The following SDK1 variants were observed in gnomAD, a reference collection of about 807,000 sequenced individuals.
SDK1 encodes the protein sidekick cell adhesion molecule 1, also known as protein sidekick-1.
In SDK1, 157 loss-of-function variants were observed where a neutral mutation model predicts 245.5. That is an observed-to-expected ratio of 0.64 (90% CI 0.56 to 0.73). SDK1 has a LOEUF of 0.73. Among genes scored for constraint, SDK1 ranks in the 30% least tolerant of loss-of-function variants. The pLI, the probability that SDK1 is intolerant of heterozygous loss-of-function variation, is 0.00. For missense variants in SDK1, 3,583 were observed against 3,002.3 expected, an observed-to-expected ratio of 1.19 and a Z score of -4.52; for synonymous variants, 1,647 against 1,278.5, an observed-to-expected ratio of 1.29 and a Z score of -6.15.
intron 30 of SDK1, 68 bp downstream of exon 30, chr7:4,149,531 A>C: frequency 8.6e-7 from 1 of 1,159,892 alleles, no homozygotes; most frequent in Non-Finnish European, 1.2e-6. Flanking sequence ...GCTCCTGTCC[A>C]GATAGTGGGG....
At chr7:3,697,454 T>C (rs1784608020) in intron 4 of SDK1, among the ~76,000 whole-genome samples, 2 of 152,266 alleles carry the variant, frequency 1.3e-5, no homozygotes, top group Admixed American at 6.5e-5. Context: ...TCTTCAGCTC[T>C]GCTTCATTAG....
rs370507929 is a variant in SDK1, at chr7:4,181,269, G to A, written c.5098+2683G>A. Among the ~76,000 whole-genome samples, 17 of 152,220 alleles carry A rather than the reference G, an allele frequency of 1.1e-4. 1 individual carries two copies. Among genetic ancestry groups the A allele is most frequent in the East Asian group, 9.6e-4 (5 of 5,200 alleles). On this transcript the variant is annotated intron_variant, in intron 35 of 44. Coordinates refer to ENST00000404826, the MANE Select transcript of SDK1 (RefSeq NM_152744.4). ...GTTCAACCGGGTTGTAGCAGATGTC[G>A]GAATTGCCTTCCTTTTCATGGCTGA...
intron 1 of SDK1, among the ~76,000 whole-genome samples, chr7:3,417,850 C>T (rs1295306029): frequency 2.0e-5 from 3 of 152,038 alleles, no homozygotes; most frequent in Non-Finnish European, 4.4e-5. Flanking sequence ...GTCCAGTTGG[C>T]AAGTGGAATT....
At chr7:4,154,222 G>A (rs529521712) in intron 30 of SDK1, among the ~76,000 whole-genome samples, 1 of 152,172 alleles carries the variant, frequency 6.6e-6, no homozygotes, top group Non-Finnish European at 1.5e-5. Context: ...TCAAGTTTGT[G>A]TATGTGATTA....
chr7:4,004,052 T>G (rs1158473516), intron 14 of SDK1, among the ~76,000 whole-genome samples: 2 of 152,236 alleles, frequency 1.3e-5, no homozygotes, highest in East Asian at 3.8e-4. Flanking sequence ...ATTTCTCATG[T>G]GGAAATGAAG....
intron 5 of SDK1, among the ~76,000 whole-genome samples, chr7:3,891,823 C>G (rs1583519132): frequency 6.6e-6 from 1 of 152,222 alleles, no homozygotes; most frequent in Admixed American, 6.5e-5. Flanking sequence ...TGAGAAATTG[C>G]TTCACTTTAA....
chr7:3,761,293 G>C (rs1382585923), intron 4 of SDK1, among the ~76,000 whole-genome samples: 1 of 91,514 alleles, frequency 1.1e-5, no homozygotes, highest in African/African-American at 4.5e-5. Flanking sequence ...TCTTGCTGAT[G>C]ATCTATTTAG....
intron 4 of SDK1, among the ~76,000 whole-genome samples, chr7:3,759,139 A>G (rs1302265689): frequency 2.6e-5 from 4 of 152,188 alleles, no homozygotes; most frequent in South Asian, 2.1e-4. Flanking sequence ...GGCTTTACCT[A>G]TGGCTCATTT....
At chr7:3,602,160 C>A (rs1276645976) in intron 1 of SDK1, among the ~76,000 whole-genome samples, 1 of 151,802 alleles carries the variant, frequency 6.6e-6, no homozygotes, top group Non-Finnish European at 1.5e-5. Context: ...GTCTTTATAG[C>A]ACAATGATTT....
At chr7:3,309,993 T>C (rs1880610) in intron 1 of SDK1, among the ~76,000 whole-genome samples, 116,512 of 152,108 alleles carry the variant, frequency 0.77, 45,056 homozygotes, top group African/African-American at 0.87. Context: ...CACAGTATAA[T>C]TAGGAGAATT....
chr7:3,505,162 T>C (rs1261822399), intron 1 of SDK1, among the ~76,000 whole-genome samples: 3 of 152,226 alleles, frequency 2.0e-5, no homozygotes, highest in Non-Finnish European at 4.4e-5. Flanking sequence ...TTTAGGTCAA[T>C]TGAATATTTT....
In SDK1 at chr7:3,504,391, T is replaced by G. The variant is rs569266506; in HGVS notation, c.299-114689T>G. 2.6e-4 allele frequency among the ~76,000 whole-genome samples: 40 copies of G among 152,082 alleles called. No individual in the cohort carries two copies. In the South Asian group the frequency reaches 7.9e-3, roughly 30 times the overall value. On this transcript the variant is annotated intron_variant, in intron 1 of 44. Coordinates refer to ENST00000404826, the MANE Select transcript of SDK1 (RefSeq NM_152744.4). ...AAAAAGAAGATCAAAGTTGGAGGAC[T>G]CATATTTTCCAATTTCAAACTTACT...
intron 5 of SDK1, among the ~76,000 whole-genome samples, chr7:3,945,860 C>G (rs147495004): frequency 0.024 from 3,020 of 124,808 alleles, 114 homozygotes; most frequent in African/African-American, 0.086. Context: ...GATCGTGCCA[C>G]TGCACTCCAG....
intron 4 of SDK1, among the ~76,000 whole-genome samples, chr7:3,807,296 G>T (rs1204306960): frequency 1.1e-4 from 16 of 152,300 alleles, no homozygotes; most frequent in Non-Finnish European, 2.2e-4. Flanking sequence ...GCCTAGGAGG[G>T]TTCTATCAGG....
At chr7:3,587,631 G>T (rs1181629077) in intron 1 of SDK1, among the ~76,000 whole-genome samples, 1 of 152,206 alleles carries the variant, frequency 6.6e-6, no homozygotes, top group African/African-American at 2.4e-5. Flanking sequence ...CTACATCGGG[G>T]ATGGCCGTCT....
rs76474472 is a variant in SDK1, at chr7:3,880,060, G to A, written c.847+58477G>A. Among the ~76,000 whole-genome samples, 709 of 152,134 alleles carry A rather than the reference G, an allele frequency of 4.7e-3. 5 individuals carry two copies. Among genetic ancestry groups the A allele is most frequent in the African/African-American group, 0.016 (658 of 41,468 alleles). On this transcript the variant is annotated intron_variant, in intron 5 of 44. Coordinates refer to ENST00000404826, the MANE Select transcript of SDK1 (RefSeq NM_152744.4). The stretch of plus-strand genomic sequence containing the variant: ...GCTGGTAATCAAGAAAAATAATGCC[G>A]CCTTAATCCTGGATGCCAAGGTCAA...
chr7:3,451,768 C>G (rs532960703), intron 1 of SDK1, among the ~76,000 whole-genome samples: 1 of 152,280 alleles, frequency 6.6e-6, no homozygotes, highest in Admixed American at 6.5e-5. Flanking sequence ...TGCTCTCCTT[C>G]AAAACGTCCA....
chr7:3,840,534 C>T (rs184710019), intron 5 of SDK1, among the ~76,000 whole-genome samples: 19 of 152,282 alleles, frequency 1.2e-4, no homozygotes, highest in African/African-American at 4.3e-4. Context: ...GTTAGAAATG[C>T]AGAATTTGGG....
chr7:4,068,835 C>G (rs752024715), intron 20 of SDK1, among the ~76,000 whole-genome samples: 1 of 152,072 alleles, frequency 6.6e-6, no homozygotes, highest in Non-Finnish European at 1.5e-5. Context: ...AGTTTTCCTG[C>G]CTCAGCCTCC....
Sources: gnomAD v4.1 joint callset for allele counts (sites outside exome capture counted in the v4.1 genomes callset) on GRCh38, gnomAD v4.1.1 for gene constraint, MANE v1.5 for transcripts, NCBI Gene and HGNC (gene_info 2026-07-23, HGNC 2026-07-21) for gene names.